STX2: variants seen among roughly 807,000 people sequenced by gnomAD.
STX2 encodes the protein syntaxin 2.
A neutral mutation model predicts 40.6 loss-of-function variants in STX2; 27 were observed. The ratio of observed to expected loss-of-function variants is 0.66; its 90% CI spans 0.49 to 0.92. The LOEUF is 0.92. Ranked by LOEUF, STX2 falls within the 40% of genes least tolerant of loss-of-function variation. The probability of loss-of-function intolerance (pLI) is 0.00; values close to 1 mark genes in which losing one functional copy is unlikely to be tolerated. For synonymous variants in STX2, 123 were observed against 119.1 expected (o/e 1.03, Z -0.22); for missense variants, 328 against 366.1 (o/e 0.90, Z 0.85).
intron 1 of STX2, among the ~76,000 whole-genome samples, chr12:130,828,712 A>G (rs1456232029): frequency 6.6e-6 from 1 of 151,332 alleles, no homozygotes; most frequent in African/African-American, 2.4e-5. Context: ...TAAAAATACA[A>G]AAAAAATTAG....
chr12:130,805,315 A>C (rs1276760798), intron 6 of STX2, among the ~76,000 whole-genome samples: 1 of 152,126 alleles, frequency 6.6e-6, no homozygotes, highest in Non-Finnish European at 1.5e-5. Flanking sequence ...CAGGCCACAC[A>C]CTGATTCCCA....
At chr12:130,793,069 A>G (rs1950924050) in intron 10 of STX2, among the ~76,000 whole-genome samples, 1 of 152,166 alleles carries the variant, frequency 6.6e-6, no homozygotes, top group South Asian at 2.1e-4. Context: ...TTCCAAATGT[A>G]CGAGTGCTTT....
At chr12:130,795,575 A>G (rs1951002753) in intron 10 of STX2, among the ~76,000 whole-genome samples, 1 of 152,160 alleles carries the variant, frequency 6.6e-6, no homozygotes, top group Non-Finnish European at 1.5e-5. Context: ...TCTACTAAAA[A>G]TAATTTTTTT....
intron 3 of STX2, among the ~76,000 whole-genome samples, chr12:130,817,795 A>C (rs1379855642): frequency 6.6e-6 from 1 of 152,324 alleles, no homozygotes; most frequent in East Asian, 1.9e-4. Context: ...AACAACTTCT[A>C]AACTAGAATC....
intron 8 of STX2, 72 bp downstream of exon 8, chr12:130,801,081 A>G (rs1233954297): frequency 6.6e-7 from 1 of 1,505,942 alleles, no homozygotes; most frequent in African/African-American, 1.4e-5. Context: ...CATCCACTAG[A>G]CAGAGTGGGA....
chr12:130,799,585 C>A (rs910250613), intron 8 of STX2, among the ~76,000 whole-genome samples: 27 of 151,988 alleles, frequency 1.8e-4, no homozygotes, highest in African/African-American at 6.5e-4. Context: ...CCCCCAAAAT[C>A]AAAAAGGAGT....
At chr12:130,838,959 C>G (rs1359307357) in intron 1 of STX2, 111 bp downstream of exon 1, 2 of 1,008,574 alleles carry the variant, frequency 2.0e-6, no homozygotes, top group Non-Finnish European at 2.5e-6. Flanking sequence ...CGCCGGAGAT[C>G]CCCGCCCTGG....
In STX2 at chr12:130,821,720, G is replaced by A; in HGVS notation, c.174C>T (p.Ser58=). 3 of 1,613,788 alleles carry A rather than the reference G, an allele frequency of 1.9e-6. No individual in the cohort carries two copies. Among genetic ancestry groups the A allele is most frequent in the Non-Finnish European group, 2.5e-6 (3 of 1,179,672 alleles). ...CCGGGTTTGGTGCAGAAAGAATGATGCTGTGGTTTTTCTTTACTTCTTCAA... is the reference window on the plus strand; with the variant it reads ...CCGGGTTTGGTGCAGAAAGAATGATACTGTGGTTTTTCTTTACTTCTTCAA... The part of the protein sequence containing the change: ...QYVEEVKKNH[S]IILSAPNPEG... The change falls in exon 3 of 11, where the codon AGC becomes AGT. Residue 58 remains serine (S), a synonymous_variant. Transcript: ENST00000392373.
chr12:130,808,096 G>C (rs536868103), intron 5 of STX2, among the ~76,000 whole-genome samples: 1 of 152,230 alleles, frequency 6.6e-6, no homozygotes, highest in African/African-American at 2.4e-5. Context: ...GACAAGACTA[G>C]AAGTCACCCT....
At chr12:130,832,416 T>C (rs1952598834) in intron 1 of STX2, among the ~76,000 whole-genome samples, 1 of 152,062 alleles carries the variant, frequency 6.6e-6, no homozygotes, top group Non-Finnish European at 1.5e-5. Flanking sequence ...TTCTGGAACA[T>C]ACACACACAT....
chr12:130,806,115 G>T (rs1034882723), intron 6 of STX2, among the ~76,000 whole-genome samples: 4 of 152,226 alleles, frequency 2.6e-5, no homozygotes, highest in Admixed American at 1.3e-4. Context: ...CACTGGAAAA[G>T]AGTATCTAAA....
intron 3 of STX2, among the ~76,000 whole-genome samples, chr12:130,814,627 CTTTTTTTTT>C (rs5801936): frequency 4.1e-5 from 2 of 49,224 alleles, no homozygotes; most frequent in African/African-American, 8.3e-5. Context: ...ATTAGAAAGA[CTTTTTTTTT>C]TTTTTTTTTT....
At chr12:130,826,026 G>A (rs904208434) in intron 2 of STX2, among the ~76,000 whole-genome samples, 1 of 152,162 alleles carries the variant, frequency 6.6e-6, no homozygotes, top group African/African-American at 2.4e-5. Flanking sequence ...GCAGGAGGGG[G>A]AGGCCTCACA....
chr12:130,794,981 T>C (rs1950985136), intron 10 of STX2, among the ~76,000 whole-genome samples: 1 of 152,114 alleles, frequency 6.6e-6, no homozygotes, highest in African/African-American at 2.4e-5. Flanking sequence ...GCATTGCCAC[T>C]TCAGGGCCAG....
Position 130,839,109 on chromosome 12 carries a change from C to A in STX2, c.-10G>T. 2 of 1,270,262 alleles carry A rather than the reference C, an allele frequency of 1.6e-6. No homozygotes were observed. Among genetic ancestry groups the A allele is most frequent in the South Asian group, 2.5e-5 (1 of 39,950 alleles). 78.7% of individuals were successfully genotyped at this position (1,270,262 alleles called of 1,614,324 possible). ...GCAGCCGGTCCCGCATCCCCGCCGG[C>A]CGGGCAGCGCGCCCCGCCGCTCAAG... On this transcript the variant is annotated 5_prime_UTR_variant, in exon 1 of 11. Coordinates refer to ENST00000392373, the MANE Select transcript of STX2 (RefSeq NM_194356.4).
chr12:130,815,136 A>C (rs564583454), intron 3 of STX2, among the ~76,000 whole-genome samples: 1 of 152,350 alleles, frequency 6.6e-6, no homozygotes, highest in South Asian at 2.1e-4. Context: ...ACTAGAAAAA[A>C]AGAGAAACTA....
chr12:130,806,210 G>A (rs1248406003), intron 6 of STX2, among the ~76,000 whole-genome samples: 1 of 152,232 alleles, frequency 6.6e-6, no homozygotes, highest in Admixed American at 6.5e-5. Flanking sequence ...GATGTGCGGC[G>A]TTGGGAGCCG....
Position 130,832,329 on chromosome 12 carries a change from T to C in STX2, c.31-5062A>G, listed in dbSNP as rs187726577. On this transcript the variant is annotated intron_variant, in intron 1 of 10. Coordinates refer to ENST00000392373, the MANE Select transcript of STX2 (RefSeq NM_194356.4). ...CATGAGGTAGCCATCCAGGCTCCTA[T>C]TGTGCCTAATATTTTTCCATTACCA... 2.3e-3 allele frequency among the ~76,000 whole-genome samples: 347 copies of C among 152,320 alleles called. 2 individuals are homozygous for C. The highest frequency in any genetic ancestry group is 2.6e-3 in the Non-Finnish European group (179 of 68,032).
intron 3 of STX2, among the ~76,000 whole-genome samples, chr12:130,819,196 G>A (rs771249190): frequency 6.6e-6 from 1 of 152,162 alleles, no homozygotes; most frequent in African/African-American, 2.4e-5. Context: ...TGAGGTTGAC[G>A]GGGGACCTCC....
Sources: gnomAD v4.1 joint callset for allele counts (sites outside exome capture counted in the v4.1 genomes callset) on GRCh38, gnomAD v4.1.1 for gene constraint, MANE v1.5 for transcripts, NCBI Gene and HGNC (gene_info 2026-07-23, HGNC 2026-07-21) for gene names.